The following CLPTM1 variants were observed in gnomAD, a reference collection of about 807,000 sequenced individuals.
The protein encoded by CLPTM1 is CLPTM1 regulator of GABA type A receptor forward trafficking.
CLPTM1 carries 21 observed loss-of-function variants against 77.3 expected under a neutral mutation model. That is an observed-to-expected ratio of 0.27 (90% confidence interval 0.19 to 0.39). The LOEUF (loss-of-function observed/expected upper bound fraction) is 0.39, where lower values mean the gene tolerates loss of function less well. Ranked by LOEUF, CLPTM1 falls within the 10% of genes least tolerant of loss-of-function variation. The pLI is 1.00. For synonymous variants in CLPTM1, 373 were observed against 381.0 expected, an observed-to-expected ratio of 0.98 and a Z score of 0.24; for missense variants, 642 against 921.2, an observed-to-expected ratio of 0.70 and a Z score of 3.92.
intron 8 of CLPTM1, 65 bp from the exon 9 acceptor site, chr19:44,988,015 G>A (rs1381884995): frequency 8.2e-5 from 105 of 1,283,878 alleles, no homozygotes; most frequent in Non-Finnish European, 1.1e-4. Context: ...GGCAGCCCTC[G>A]GGACAAAAGC....
In CLPTM1 at chr19:44,988,070, TC is replaced by T. The variant is rs747907658; in HGVS notation, c.1039-6del. The T allele has an allele frequency of 1.2e-6, 2 of 1,604,334 alleles. No individual in the cohort carries two copies. Among genetic ancestry groups the T allele is most frequent in the Non-Finnish European group, 1.7e-6 (2 of 1,171,080 alleles). On this transcript the variant is annotated splice_polypyrimidine_tract_variant and intron_variant, in intron 8 of 13. Transcript: ENST00000337392. ...TGGGGACAGGCTGTGCTCACATGTG[TC>T]CCCTGCAGGTGGCCCTGCTGGAGAC...
chr19:44,954,967 G>C (rs560270633), upstream of CLPTM1: 34 of 1,534,434 alleles, frequency 2.2e-5, no homozygotes, highest in African/African-American at 4.4e-4. Flanking sequence ...CGAAAGAGGG[G>C]CGTGGTTCGA....
At chr19:44,986,793 T>G in intron 7 of CLPTM1, 2 of 579,338 alleles carry the variant, frequency 3.5e-6, no homozygotes, top group South Asian at 2.4e-5. Flanking sequence ...CCAGCATCGG[T>G]CCGCAATCAA....
chr19:44,975,251 GC>G (rs1312566176), intron 4 of CLPTM1, among the ~76,000 whole-genome samples: 1 of 152,208 alleles, frequency 6.6e-6, no homozygotes, highest in Admixed American at 6.5e-5. Flanking sequence ...CCCCATCCCA[GC>G]CCATTCTGGG....
rs796710498 is a variant in CLPTM1 at position 44,964,407 on chromosome 19, T to C, written c.185+2332T>C. 2.9e-4 allele frequency among the ~76,000 whole-genome samples: 42 copies of C among 144,732 alleles called. 1 individual carries two copies. The highest frequency in any genetic ancestry group is 1.0e-3 in the African/African-American group (40 of 38,736). The allele number at this position is 144,732 out of a possible 152,430, so 94.9% of individuals were successfully genotyped here. A position where few individuals can be genotyped will look rare whatever the true frequency, so the allele number is the denominator to read the frequency against. On this transcript the variant is annotated intron_variant, in intron 2 of 13. Transcript: ENST00000337392. ...CTCACTGCAGTCTCTGCCTCCTGGG[T>C]TCAAGCGATTCTCCTGCCTCAGCCA...
Position 44,990,798 on chromosome 19 carries a change from G to A in CLPTM1, c.1324-52G>A, listed in dbSNP as rs1312864314. 10 of 1,489,450 alleles carry A rather than the reference G, an allele frequency of 6.7e-6. No homozygotes were observed. Among genetic ancestry groups the A allele is most frequent in the African/African-American group, 5.6e-5 (4 of 71,922 alleles). 92.3% of individuals were successfully genotyped at this position (1,489,450 alleles called of 1,614,324 possible). A position where few individuals can be genotyped will look rare whatever the true frequency, so the allele number is the denominator to read the frequency against. ...GAAGGGCAGGGGCTGGTTCTGGCTT[G>A]TGGGGTGGGAGCCAGCGTAGCAACT... On this transcript the variant is annotated intron_variant, in intron 10 of 13. Coordinates refer to ENST00000337392, the MANE Select transcript of CLPTM1 (RefSeq NM_001294.4). The surrounding 1 kb of genome is among the most constrained non-coding windows in gnomAD (Gnocchi z 4.8).
intron 9 of CLPTM1, among the ~76,000 whole-genome samples, chr19:44,989,227 G>A (rs565348551): frequency 6.6e-6 from 1 of 152,318 alleles, no homozygotes; most frequent in Admixed American, 6.5e-5. Context: ...AGTGTCATAC[G>A]GGCACAGGAG....
chr19:44,988,972 G>A (rs766720662), intron 9 of CLPTM1, among the ~76,000 whole-genome samples: 9 of 152,162 alleles, frequency 5.9e-5, no homozygotes, highest in South Asian at 2.1e-4. Flanking sequence ...CCTAAGCCCC[G>A]GAGTTTGAGA....
At chr19:44,969,664 A>T (rs1970687244) in intron 2 of CLPTM1, among the ~76,000 whole-genome samples, 1 of 150,384 alleles carries the variant, frequency 6.6e-6, no homozygotes, top group African/African-American at 2.5e-5. Flanking sequence ...ATCAAGAAGG[A>T]ATATTTCTTC....
intron 5 of CLPTM1, among the ~76,000 whole-genome samples, chr19:44,979,630 A>T (rs1269898137): frequency 2.0e-5 from 3 of 151,982 alleles, no homozygotes; most frequent in Non-Finnish European, 4.4e-5. Flanking sequence ...TGAAAAGTTG[A>T]CTCTATGTGG....
chr19:44,971,861 A>T (rs1057367011), intron 2 of CLPTM1, among the ~76,000 whole-genome samples: 9 of 125,702 alleles, frequency 7.2e-5, no homozygotes, highest in African/African-American at 2.6e-4. Flanking sequence ...ACCTGACCCA[A>T]TTATACTTTT....
chr19:44,986,407 C>T (rs1458701686), intron 6 of CLPTM1, 48 bp from the exon 7 acceptor site: 4 of 1,602,464 alleles, frequency 2.5e-6, no homozygotes, highest in East Asian at 4.5e-5. Context: ...TGATAGTCCC[C>T]GAGCACTTCC....
At chr19:44,985,765 C>T (rs965991229) in intron 6 of CLPTM1, among the ~76,000 whole-genome samples, 2 of 152,120 alleles carry the variant, frequency 1.3e-5, no homozygotes, top group East Asian at 3.8e-4. Context: ...TGTGGTTAAC[C>T]TGCAGTGGGC....
intron 1 of CLPTM1, among the ~76,000 whole-genome samples, chr19:44,958,959 A>G (rs2122232495): frequency 6.6e-6 from 1 of 152,342 alleles, no homozygotes; most frequent in South Asian, 2.1e-4. Context: ...TTTGAGGTTC[A>G]TGTTGTTACA....
chr19:44,963,346 G>T (rs1970575337), intron 2 of CLPTM1, among the ~76,000 whole-genome samples: 2 of 137,130 alleles, frequency 1.5e-5, no homozygotes, highest in Admixed American at 7.6e-5. Context: ...TTTTTTTTGA[G>T]ACGGAGTCTC....
chr19:44,991,621 G>C lies in CLPTM1; in HGVS notation c.1555+248G>C, dbSNP rs1036462391. Among the ~76,000 whole-genome samples, 2 of 152,144 alleles carry C rather than the reference G, an allele frequency of 1.3e-5. No individual in the cohort carries two copies. The highest frequency in any genetic ancestry group is 2.4e-5 in the African/African-American group (1 of 41,432). ...TGTCTTGGGAACAAGTAAACAAGTA[G>C]GGCCAGGTGCAGTGGCTCACACCTG... On this transcript the variant is annotated intron_variant, in intron 12 of 13. Coordinates refer to ENST00000337392, the MANE Select transcript of CLPTM1 (RefSeq NM_001294.4). This position sits in a 1 kb window ranked among gnomAD's most constrained non-coding sequence, Gnocchi z 5.4.
chr19:44,971,867 C>CTTTTTTTTT (rs10693027), intron 2 of CLPTM1, among the ~76,000 whole-genome samples: 6 of 83,284 alleles, frequency 7.2e-5, no homozygotes, highest in Non-Finnish European at 8.5e-5. Context: ...CCCAATTATA[C>CTTTTTTTTT]TTTTTTTTTT....
chr19:44,955,315 G>A (rs1970441881), upstream of CLPTM1: 1 of 1,396,930 alleles, frequency 7.2e-7, no homozygotes, highest in African/African-American at 1.5e-5. Flanking sequence ...GGCTAGGAAA[G>A]CGTGAAATCT....
chr19:44,975,406 C>CT (rs967429547), intron 4 of CLPTM1, among the ~76,000 whole-genome samples: 1 of 152,234 alleles, frequency 6.6e-6, no homozygotes, highest in African/African-American at 2.4e-5. Context: ...AGGGACATCT[C>CT]TCTTTGGGGC....
Sources: allele counts gnomAD v4.1 joint callset (sites outside exome capture counted in the v4.1 genomes callset), GRCh38; gene constraint gnomAD v4.1.1; non-coding constraint Gnocchi (gnomAD v3.1); transcripts MANE v1.5; gene names NCBI Gene and HGNC (gene_info 2026-07-23, HGNC 2026-07-21).